VRK2: variants seen among roughly 807,000 people sequenced by gnomAD.
The protein encoded by VRK2 is VRK serine/threonine kinase 2.
A neutral mutation model predicts 57.6 loss-of-function variants in VRK2; 60 were observed. The observed-to-expected ratio is 1.04, with a 90% confidence interval of 0.85 to 1.29. VRK2 has a LOEUF of 1.29. Ranked by LOEUF, VRK2 falls within the 50% of genes most tolerant of loss-of-function variation. The probability of loss-of-function intolerance (pLI) is 0.00; values close to 1 mark genes in which losing one functional copy is unlikely to be tolerated. For synonymous variants in VRK2, 231 were observed against 199.2 expected (o/e 1.16, Z -1.35); for missense variants, 705 against 588.1 (o/e 1.20, Z -2.06).
intron 2 of VRK2, among the ~76,000 whole-genome samples, chr2:58,075,208 G>A (rs768084687): frequency 5.3e-5 from 8 of 151,948 alleles, no homozygotes; most frequent in South Asian, 2.1e-4. Flanking sequence ...TCCATGTTGC[G>A]GCAAAGGACA....
intron 1 of VRK2, among the ~76,000 whole-genome samples, chr2:58,023,780 T>C (rs566948434): frequency 3.1e-4 from 47 of 152,156 alleles, no homozygotes; most frequent in African/African-American, 1.1e-3. Flanking sequence ...ATGAAAAAAT[T>C]AGTATAATCA....
chr2:58,090,438 T>TA (rs1466592332), intron 7 of VRK2, among the ~76,000 whole-genome samples: 12 of 152,146 alleles, frequency 7.9e-5, no homozygotes, highest in African/African-American at 2.9e-4. Flanking sequence ...AGCAAGCTTT[T>TA]CCATTAAAAT....
At chr2:57,950,271 GT>G (rs1218089542) in intron 1 of VRK2, among the ~76,000 whole-genome samples, 1 of 152,134 alleles carries the variant, frequency 6.6e-6, no homozygotes, top group African/African-American at 2.4e-5. Flanking sequence ...AAGAGAAGAG[GT>G]CAACTCCTGG....
At chr2:58,032,940 G>T (rs1390993680) in intron 2 of VRK2, among the ~76,000 whole-genome samples, 1 of 152,008 alleles carries the variant, frequency 6.6e-6, no homozygotes, top group Non-Finnish European at 1.5e-5. Context: ...GTTGTGTGTG[G>T]GTGTTCTGTC....
At chr2:58,049,630 A>T (rs904607945) in intron 2 of VRK2, among the ~76,000 whole-genome samples, 1 of 152,192 alleles carries the variant, frequency 6.6e-6, no homozygotes, top group African/African-American at 2.4e-5. Flanking sequence ...TGAGGAGGGG[A>T]TATCCATTAA....
intron 1 of VRK2, among the ~76,000 whole-genome samples, chr2:57,952,938 C>T (rs1439216123): frequency 1.3e-5 from 2 of 152,134 alleles, no homozygotes; most frequent in South Asian, 4.2e-4. Context: ...GATACCTTCA[C>T]CAACTTCATT....
intron 10 of VRK2, among the ~76,000 whole-genome samples, 188 bp downstream of exon 10, chr2:58,135,387 CAAAA>C (rs1322993276): frequency 6.8e-6 from 1 of 148,010 alleles, no homozygotes; most frequent in Non-Finnish European, 1.5e-5. Flanking sequence ...CATTAGAACA[CAAAA>C]AACCTCAAAA....
chr2:58,003,761 G>C (rs903832212), intron 1 of VRK2, among the ~76,000 whole-genome samples: 26 of 152,012 alleles, frequency 1.7e-4, no homozygotes, highest in African/African-American at 5.6e-4. Flanking sequence ...TGTGATTTCA[G>C]TTATAATTCT....
chr2:58,146,552 A>G (rs1682171391), intron 12 of VRK2, 78 bp downstream of exon 12: 5 of 1,489,530 alleles, frequency 3.4e-6, no homozygotes, highest in East Asian at 2.4e-5. Flanking sequence ...AAAACATCTT[A>G]TTTTCTCCTG....
At chr2:58,013,391 T>G (rs1673471241) in intron 1 of VRK2, among the ~76,000 whole-genome samples, 1 of 152,238 alleles carries the variant, frequency 6.6e-6, no homozygotes, top group South Asian at 2.1e-4. Flanking sequence ...TATAATATGT[T>G]TACACATTCT....
At chr2:57,937,724 C>G (rs1670958639) in intron 1 of VRK2, among the ~76,000 whole-genome samples, 1 of 152,134 alleles carries the variant, frequency 6.6e-6, no homozygotes. Flanking sequence ...ACTTTCTTTA[C>G]CCTTCCAACT....
At chr2:57,936,532 T>C (rs2312145) in intron 1 of VRK2, among the ~76,000 whole-genome samples, 1 of 120,386 alleles carries the variant, frequency 8.3e-6, no homozygotes, top group Non-Finnish European at 1.7e-5. Flanking sequence ...TGTTTTTTTG[T>C]TTTTTTTTTT....
rs543009715 is a variant in VRK2 at position 57,966,862 on chromosome 2, G to C, written c.-438-58803G>C. 2.6e-5 allele frequency among the ~76,000 whole-genome samples: 4 copies of C among 152,254 alleles called. 1 individual carries two copies. The highest frequency in any genetic ancestry group is 9.6e-5 in the African/African-American group (4 of 41,544). On this transcript the variant is annotated intron_variant, in intron 1 of 15. Transcript: ENST00000417641. ...TTGACTAATAAAAAGTGACCCAAAA[G>C]ATTCATTCACGAACCTTTTACTTAT...
chr2:58,112,127 A>T (rs1182887856), intron 7 of VRK2, among the ~76,000 whole-genome samples: 1 of 152,196 alleles, frequency 6.6e-6, no homozygotes, highest in Admixed American at 6.5e-5. Context: ...TTTTGAAAAA[A>T]GAGAATGGAA....
In VRK2 at chr2:58,055,250, G is replaced by C. The variant is rs532653582; in HGVS notation, c.136+6283G>C. On this transcript the variant is annotated intron_variant, in intron 2 of 12. Coordinates refer to ENST00000340157, the MANE Select transcript of VRK2 (RefSeq NM_006296.7). ...TCTGAATGGGCACAGTGCCAGGCTA[G>C]CAGATGGGTATGGGCAAAAGCATGC... Among the ~76,000 whole-genome samples, 7 of 152,318 alleles carry C rather than the reference G, an allele frequency of 4.6e-5. No homozygotes were observed. In the East Asian group the frequency reaches 1.4e-3, roughly 29 times the overall value.
chr2:58,158,747 A>G (rs1422783579), intron 12 of VRK2, among the ~76,000 whole-genome samples: 2 of 152,158 alleles, frequency 1.3e-5, no homozygotes, highest in African/African-American at 4.8e-5. Flanking sequence ...CGAAACTTGC[A>G]TAAGTAACCA....
chr2:58,000,578 A>G (rs1284415170), intron 1 of VRK2, among the ~76,000 whole-genome samples: 2 of 152,196 alleles, frequency 1.3e-5, no homozygotes, highest in East Asian at 3.8e-4. Flanking sequence ...CTATTTATTT[A>G]TTCATTTATT....
At chr2:58,055,297 A>G (rs1676351641) in intron 2 of VRK2, among the ~76,000 whole-genome samples, 1 of 152,172 alleles carries the variant, frequency 6.6e-6, no homozygotes, top group African/African-American at 2.4e-5. Context: ...TATGTGAATC[A>G]AGTTTAAGTA....
intron 7 of VRK2, among the ~76,000 whole-genome samples, chr2:58,118,701 C>T (rs1169081008): frequency 3.3e-5 from 5 of 152,316 alleles, no homozygotes; most frequent in Non-Finnish European, 5.9e-5. Flanking sequence ...CACCAAATTT[C>T]ATGTGTGTCC....
Sources: allele counts gnomAD v4.1 joint callset (sites outside exome capture counted in the v4.1 genomes callset), GRCh38; gene constraint gnomAD v4.1.1; transcripts MANE v1.5; gene names NCBI Gene and HGNC (gene_info 2026-07-23, HGNC 2026-07-21).